The following DSCAM variants were observed in gnomAD, a reference collection of about 807,000 sequenced individuals.
The protein encoded by DSCAM is cell adhesion molecule DSCAM.
A neutral mutation model predicts 217.7 loss-of-function variants in DSCAM; 47 were observed. The ratio of observed to expected loss-of-function variants is 0.22; its 90% CI spans 0.17 to 0.28. The LOEUF (loss-of-function observed/expected upper bound fraction) is 0.28, where lower values mean the gene tolerates loss of function less well. DSCAM is among the 10% of genes least tolerant of loss of function. DSCAM has a pLI of 1.00. For missense variants in DSCAM, 2,080 were observed against 2,618.3 expected, an observed-to-expected ratio of 0.79 and a Z score of 4.49; for synonymous variants, 1,056 against 1,015.3, an observed-to-expected ratio of 1.04 and a Z score of -0.76.
chr21:40,810,178 C>T lies in DSCAM; in HGVS notation c.43+36441G>A, dbSNP rs1571726. 2.2e-3 allele frequency among the ~76,000 whole-genome samples: 332 copies of T among 152,228 alleles called. 3 individuals are homozygous for T. The highest frequency in any genetic ancestry group is 7.3e-3 in the African/African-American group (303 of 41,556). On this transcript the variant is annotated intron_variant, in intron 1 of 32. Transcript: ENST00000400454. Reference sequence around the variant, plus strand: ...TGTTACTGTGCATCTCCTTGTGGAACAACATTGATCAAACATAGCCTTCAC... The same window carrying T: ...TGTTACTGTGCATCTCCTTGTGGAATAACATTGATCAAACATAGCCTTCAC...
intron 3 of DSCAM, among the ~76,000 whole-genome samples, chr21:40,561,492 G>T (rs978914735): frequency 1.3e-5 from 2 of 152,102 alleles, no homozygotes; most frequent in Non-Finnish European, 2.9e-5. Context: ...ATGGTGACAG[G>T]CCACTGGTTC....
At chr21:40,527,498 T>C (rs903472160) in intron 3 of DSCAM, among the ~76,000 whole-genome samples, 3 of 152,180 alleles carry the variant, frequency 2.0e-5, no homozygotes, top group Non-Finnish European at 4.4e-5. Context: ...CCAGTTCTCC[T>C]TATCTTCCTA....
intron 3 of DSCAM, among the ~76,000 whole-genome samples, chr21:40,531,067 C>A (rs1462627575): frequency 6.6e-6 from 1 of 152,172 alleles, no homozygotes; most frequent in Non-Finnish European, 1.5e-5. Context: ...ATTTTCCACA[C>A]CTCAGGCAGA....
intron 3 of DSCAM, among the ~76,000 whole-genome samples, chr21:40,513,950 G>A (rs905405125): frequency 6.6e-6 from 1 of 152,060 alleles, no homozygotes; most frequent in Non-Finnish European, 1.5e-5. Flanking sequence ...AAACAGAAAG[G>A]CACTTCATTA....
intron 3 of DSCAM, among the ~76,000 whole-genome samples, chr21:40,476,673 T>C (rs2075938902): frequency 6.6e-6 from 1 of 152,024 alleles, no homozygotes; most frequent in Admixed American, 6.5e-5. Context: ...AAAGAATTTA[T>C]TCTTTGCTGA....
intron 3 of DSCAM, among the ~76,000 whole-genome samples, chr21:40,380,830 G>A (rs1482284573): frequency 6.6e-6 from 1 of 152,066 alleles, no homozygotes; most frequent in Non-Finnish European, 1.5e-5. Flanking sequence ...TTGGGAGGCC[G>A]AGGCGGGCGG....
At chr21:40,782,753 A>AT (rs1003421917) in intron 1 of DSCAM, among the ~76,000 whole-genome samples, 3 of 150,004 alleles carry the variant, frequency 2.0e-5, no homozygotes, top group African/African-American at 7.6e-5. Context: ...TATAAAATAA[A>AT]TAAAAAAAAA....
At chr21:40,151,118 C>T (rs1030623005) in intron 16 of DSCAM, among the ~76,000 whole-genome samples, 4 of 152,196 alleles carry the variant, frequency 2.6e-5, no homozygotes, top group African/African-American at 9.7e-5. Context: ...TCTCTCAAGA[C>T]TAATGCCTCC....
At chr21:40,818,831 C>CA (rs532754064) in intron 1 of DSCAM, among the ~76,000 whole-genome samples, 104 of 151,872 alleles carry the variant, frequency 6.8e-4, no homozygotes, top group African/African-American at 2.3e-3. Flanking sequence ...ACAGCTGAAC[C>CA]AAAAAAGGAA....
At chr21:40,252,196 T>C (rs1569024302) in intron 11 of DSCAM, among the ~76,000 whole-genome samples, 1 of 152,332 alleles carries the variant, frequency 6.6e-6, no homozygotes, top group Non-Finnish European at 1.5e-5. Context: ...GTATGCCATT[T>C]TAAGCTGCAA....
intron 11 of DSCAM, among the ~76,000 whole-genome samples, chr21:40,269,721 T>A (rs1196276057): frequency 6.6e-6 from 1 of 152,170 alleles, no homozygotes; most frequent in African/African-American, 2.4e-5. Context: ...ATAACTCCAA[T>A]CTCTGTCTTT....
At chr21:40,356,169 G>C (rs2074690446) in intron 4 of DSCAM, among the ~76,000 whole-genome samples, 1 of 152,022 alleles carries the variant, frequency 6.6e-6, no homozygotes, top group African/African-American at 2.4e-5. Flanking sequence ...TAGATCATAT[G>C]GTAGGTAAAA....
chr21:40,478,661 G>A (rs1251167225), intron 3 of DSCAM, among the ~76,000 whole-genome samples: 3 of 152,086 alleles, frequency 2.0e-5, no homozygotes, highest in South Asian at 4.1e-4. Flanking sequence ...ATCTAACAAT[G>A]ATCACTACTG....
chr21:40,361,986 T>C (rs1418849500), intron 4 of DSCAM, among the ~76,000 whole-genome samples: 2 of 152,204 alleles, frequency 1.3e-5, no homozygotes, highest in East Asian at 1.9e-4. Context: ...TGTGTTCTCA[T>C]TGTTCAATTC....
At chr21:40,457,187 C>T (rs1034746658) in intron 3 of DSCAM, among the ~76,000 whole-genome samples, 7 of 152,104 alleles carry the variant, frequency 4.6e-5, no homozygotes, top group African/African-American at 1.7e-4. Context: ...CATCTCTGGC[C>T]ATAGTGGGAA....
intron 30 of DSCAM, among the ~76,000 whole-genome samples, chr21:40,045,342 C>T (rs567985590): frequency 6.6e-6 from 1 of 152,338 alleles, no homozygotes; most frequent in South Asian, 2.1e-4. Flanking sequence ...CACATCTCTT[C>T]AATAGAATTG....
intron 10 of DSCAM, among the ~76,000 whole-genome samples, chr21:40,287,762 A>G (rs2073845572): frequency 6.6e-6 from 1 of 152,154 alleles, no homozygotes; most frequent in African/African-American, 2.4e-5. Flanking sequence ...GTGGTAAGGG[A>G]CAGCCAGGCC....
At chr21:40,121,553 C>T (rs1482966349) in intron 20 of DSCAM, among the ~76,000 whole-genome samples, 1 of 152,082 alleles carries the variant, frequency 6.6e-6, no homozygotes, top group Non-Finnish European at 1.5e-5. Context: ...AGAACACAGG[C>T]ACCTGCCCAT....
intron 11 of DSCAM, among the ~76,000 whole-genome samples, chr21:40,211,154 T>C (rs1176917775): frequency 1.3e-5 from 2 of 152,254 alleles, no homozygotes; most frequent in African/African-American, 4.8e-5. Context: ...CTAAGCGTAA[T>C]GCCCTTCAGA....
Sources: allele counts gnomAD v4.1 joint callset (sites outside exome capture counted in the v4.1 genomes callset), GRCh38; gene constraint gnomAD v4.1.1; transcripts MANE v1.5; gene names NCBI Gene and HGNC (gene_info 2026-07-23, HGNC 2026-07-21).